Variants in BACH2 observed in about 807,000 individuals in gnomAD.
The protein encoded by BACH2 is BACH transcriptional regulator 2, also known as transcription regulator protein BACH2.
BACH2 carries 5 observed loss-of-function variants against 61.8 expected under a neutral mutation model. The ratio of observed to expected loss-of-function variants is 0.08; its 90% confidence interval spans 0.04 to 0.17. The LOEUF is 0.17. Ranked by LOEUF, BACH2 falls within the 10% of genes least tolerant of loss-of-function variation. BACH2 has a pLI of 1.00. For missense variants in BACH2, 824 were observed against 1,091.1 expected (o/e 0.76, Z 3.45); for synonymous variants, 446 against 440.1 (o/e 1.01, Z -0.17).
rs76931712 is a variant in BACH2 at position 90,025,677 on chromosome 6, T to C, written c.-12-16821A>G. ...TGTGAGAAGAAATTGTGAACAGTGA[T>C]TAGGAGGCTAAATGAGGGTGGTGGA... On this transcript the variant is annotated intron_variant, in intron 5 of 8. Transcript: ENST00000257749. Among the ~76,000 whole-genome samples, 948 of 152,270 alleles carry C rather than the reference T, an allele frequency of 6.2e-3. 13 individuals carry two copies. Among genetic ancestry groups the C allele is most frequent in the African/African-American group, 0.021 (852 of 41,544 alleles).
intron 3 of BACH2, among the ~76,000 whole-genome samples, chr6:90,216,598 C>T (rs1375102602): frequency 6.6e-6 from 1 of 152,242 alleles, no homozygotes; most frequent in African/African-American, 2.4e-5. Context: ...GTACTCTTGC[C>T]TGCACCTTCA....
At chr6:90,068,773 C>T (rs1781084669) in intron 5 of BACH2, among the ~76,000 whole-genome samples, 1 of 151,894 alleles carries the variant, frequency 6.6e-6, no homozygotes, top group Admixed American at 6.6e-5. Context: ...AGAAGAAATT[C>T]AACATGTTCT....
intron 6 of BACH2, among the ~76,000 whole-genome samples, chr6:89,989,413 G>A (rs1041577161): frequency 1.3e-5 from 2 of 152,050 alleles, no homozygotes; most frequent in African/African-American, 2.4e-5. Context: ...TTTTTTATGC[G>A]GTGGGCTTAT....
intron 6 of BACH2, among the ~76,000 whole-genome samples, chr6:89,993,734 G>A (rs1278028286): frequency 6.6e-6 from 1 of 152,016 alleles, no homozygotes; most frequent in Admixed American, 6.5e-5. Flanking sequence ...CATGTGGATA[G>A]GGAGGAAGGT....
intron 5 of BACH2, among the ~76,000 whole-genome samples, chr6:90,043,054 G>A (rs965218367): frequency 2.6e-5 from 4 of 152,096 alleles, no homozygotes. Context: ...AAGAGTTAAG[G>A]GTAACTTTGA....
intron 3 of BACH2, among the ~76,000 whole-genome samples, chr6:90,233,197 C>G (rs1361756601): frequency 6.6e-6 from 1 of 152,202 alleles, no homozygotes; most frequent in Non-Finnish European, 1.5e-5. Context: ...TGAGAAGCCA[C>G]CTTTTTTTTA....
At chr6:89,990,204 C>T (rs1173154131) in intron 6 of BACH2, among the ~76,000 whole-genome samples, 2 of 152,154 alleles carry the variant, frequency 1.3e-5, no homozygotes, top group Non-Finnish European at 2.9e-5. Context: ...GGGAGCTATA[C>T]CCTTAGAGAC....
At chr6:89,975,613 T>C (rs1775609151) in intron 6 of BACH2, among the ~76,000 whole-genome samples, 2 of 152,246 alleles carry the variant, frequency 1.3e-5, no homozygotes, top group South Asian at 4.1e-4. Context: ...CTTCTTCCTT[T>C]ATTTTTTGGT....
chr6:90,143,141 G>A lies in BACH2; in HGVS notation c.-161-54032C>T, dbSNP rs77165942. On this transcript the variant is annotated intron_variant, in intron 4 of 8. Coordinates refer to ENST00000257749, the MANE Select transcript of BACH2 (RefSeq NM_021813.4). ...CTGGAGGGAACGAGACAGTGACAGGGATAGGTCTGCTTTATGTGAAGAGAG... is the reference window on the plus strand; with the variant it reads ...CTGGAGGGAACGAGACAGTGACAGGAATAGGTCTGCTTTATGTGAAGAGAG... 3.1e-3 allele frequency among the ~76,000 whole-genome samples: 473 copies of A among 152,300 alleles called. 6 individuals carry two copies. The highest frequency in any genetic ancestry group is 0.011 in the African/African-American group (456 of 41,564).
chr6:90,139,933 G>A lies in BACH2; in HGVS notation c.-161-50824C>T, dbSNP rs1332731827. ...CCCAAATCAGGGCTTAAATAACATGGAAGTTTATTTTTCTCATGTAAAATA... is the reference window on the plus strand; with the variant it reads ...CCCAAATCAGGGCTTAAATAACATGAAAGTTTATTTTTCTCATGTAAAATA... On this transcript the variant is annotated intron_variant, in intron 4 of 8. Transcript: ENST00000257749. Among the ~76,000 whole-genome samples, 5 of 152,164 alleles carry A rather than the reference G, an allele frequency of 3.3e-5. No individual in the cohort carries two copies. The East Asian group carries it at 9.6e-4, about 29-fold the overall frequency.
intron 5 of BACH2, among the ~76,000 whole-genome samples, chr6:90,084,366 A>G (rs758876512): frequency 1.8e-4 from 27 of 151,936 alleles, no homozygotes; most frequent in Non-Finnish European, 2.8e-4. Flanking sequence ...GTGTCTATCT[A>G]AAAATTCTGG....
At chr6:90,060,276 A>G (rs978701057) in intron 5 of BACH2, among the ~76,000 whole-genome samples, 1 of 152,092 alleles carries the variant, frequency 6.6e-6, no homozygotes, top group East Asian at 1.9e-4. Context: ...TTCACGCTCT[A>G]AATAGGCTTT....
At chr6:90,152,126 T>A (rs370692671) in intron 4 of BACH2, among the ~76,000 whole-genome samples, 8 of 152,320 alleles carry the variant, frequency 5.3e-5, no homozygotes, top group African/African-American at 1.9e-4. Context: ...TTAGAATAAA[T>A]CTCTTTCTCC....
At chr6:90,152,377 G>C (rs575908556) in intron 4 of BACH2, among the ~76,000 whole-genome samples, 1 of 152,308 alleles carries the variant, frequency 6.6e-6, no homozygotes, top group South Asian at 2.1e-4. Flanking sequence ...CAGTGACTGT[G>C]TATGGTAAAA....
chr6:89,990,582 T>C (rs1248644461), intron 6 of BACH2, among the ~76,000 whole-genome samples: 1 of 152,024 alleles, frequency 6.6e-6, no homozygotes, highest in African/African-American at 2.4e-5. Context: ...AAACTAAAAT[T>C]GTGAAGGCAA....
intron 7 of BACH2, among the ~76,000 whole-genome samples, chr6:89,940,289 G>A (rs1368305744): frequency 6.6e-6 from 1 of 152,042 alleles, no homozygotes; most frequent in Non-Finnish European, 1.5e-5. Context: ...GGCTTACAGG[G>A]GTGAACCATG....
At chr6:90,291,145 C>A (rs1772164853) in intron 1 of BACH2, among the ~76,000 whole-genome samples, 1 of 152,074 alleles carries the variant, frequency 6.6e-6, no homozygotes, top group Non-Finnish European at 1.5e-5. Flanking sequence ...GAGAAGTCAA[C>A]CAGGGAATAT....
At chr6:90,284,207 C>A (rs1213691106) in intron 1 of BACH2, among the ~76,000 whole-genome samples, 1 of 152,004 alleles carries the variant, frequency 6.6e-6, no homozygotes, top group African/African-American at 2.4e-5. Context: ...GCAGCAAAAC[C>A]AACCAAAACT....
intron 3 of BACH2, among the ~76,000 whole-genome samples, chr6:90,242,703 A>G (rs1770493334): frequency 6.6e-6 from 1 of 152,190 alleles, no homozygotes; most frequent in African/African-American, 2.4e-5. Context: ...TTCAATATCT[A>G]AAAATCCATC....
Sources: gnomAD v4.1 joint callset for allele counts (sites outside exome capture counted in the v4.1 genomes callset) on GRCh38, gnomAD v4.1.1 for gene constraint, MANE v1.5 for transcripts, NCBI Gene and HGNC (gene_info 2026-07-23, HGNC 2026-07-21) for gene names.